Variants in ARHGEF10L observed in about 807,000 individuals in gnomAD.
The protein encoded by ARHGEF10L is Rho guanine nucleotide exchange factor 10 like.
A neutral mutation model predicts 141.2 loss-of-function variants in ARHGEF10L; 69 were observed. The observed-to-expected ratio is 0.49, with a 90% CI of 0.40 to 0.60. ARHGEF10L has a LOEUF of 0.60. ARHGEF10L is among the 20% of genes least tolerant of loss of function. ARHGEF10L has a pLI of 0.00. For synonymous variants in ARHGEF10L, 711 were observed against 718.5 expected (o/e 0.99, Z 0.17); for missense variants, 1,482 against 1,734.3 (o/e 0.85, Z 2.58).
At chr1:17,670,364 A>G (rs1181763646) in intron 26 of ARHGEF10L, among the ~76,000 whole-genome samples, 1 of 152,238 alleles carries the variant, frequency 6.6e-6, no homozygotes, top group East Asian at 1.9e-4. Flanking sequence ...CCTGTTAAAT[A>G]ATAATGTCGC....
At chr1:17,630,598 A>T (rs1001434752) in intron 15 of ARHGEF10L, among the ~76,000 whole-genome samples, 1 of 152,220 alleles carries the variant, frequency 6.6e-6, no homozygotes, top group Non-Finnish European at 1.5e-5. Context: ...TGCTCAATGC[A>T]GGGAATGGTG....
At chr1:17,648,530 C>T (rs1419499918) in intron 21 of ARHGEF10L, 24 bp from the exon 22 acceptor site, 1 of 1,612,868 alleles carries the variant, frequency 6.2e-7, no homozygotes, top group Admixed American at 1.7e-5. Flanking sequence ...ACCAGCTCTA[C>T]CCACCTCCTT....
intron 19 of ARHGEF10L, 112 bp downstream of exon 19, chr1:17,638,115 C>A: frequency 1.1e-6 from 1 of 951,694 alleles, no homozygotes; most frequent in Non-Finnish European, 1.5e-6. Flanking sequence ...CCCCGATGTG[C>A]TCCTAGCTTC....
At chr1:17,534,229 T>C in the ARHGEF10L span, among the ~76,000 whole-genome samples, 8 of 151,912 alleles carry the variant, frequency 5.3e-5, no homozygotes, top group African/African-American at 1.9e-4. Context: ...TTCACGCCAT[T>C]CTCCTGCCTC....
chr1:17,543,726 C>T (rs908510755), intron 1 of ARHGEF10L, among the ~76,000 whole-genome samples: 1 of 151,986 alleles, frequency 6.6e-6, no homozygotes, highest in Admixed American at 6.5e-5. Flanking sequence ...TAGCTCACTG[C>T]AACCACCGCC....
At chr1:17,684,010 C>T (rs2064359177) in intron 26 of ARHGEF10L, among the ~76,000 whole-genome samples, 1 of 152,178 alleles carries the variant, frequency 6.6e-6, no homozygotes, top group Non-Finnish European at 1.5e-5. Context: ...TCAGTGTGTG[C>T]ATGTTTGTGC....
chr1:17,581,497 G>C (rs1399859829), intron 2 of ARHGEF10L, among the ~76,000 whole-genome samples: 25 of 152,140 alleles, frequency 1.6e-4, no homozygotes. Flanking sequence ...GCCCAGGGCT[G>C]TTTCACCCAG....
At chr1:17,595,255 T>G (rs1423404477) in intron 4 of ARHGEF10L, among the ~76,000 whole-genome samples, 1 of 147,330 alleles carries the variant, frequency 6.8e-6, no homozygotes, top group African/African-American at 2.6e-5. Flanking sequence ...TAAAGCTAAT[T>G]ACATATCATG....
chr1:17,568,470 A>G (rs1347403236), intron 1 of ARHGEF10L, among the ~76,000 whole-genome samples: 1 of 152,184 alleles, frequency 6.6e-6, no homozygotes. Context: ...TGATGGTGAC[A>G]TGGCAAAAAG....
intron 26 of ARHGEF10L, among the ~76,000 whole-genome samples, chr1:17,676,676 C>A (rs1476048888): frequency 6.6e-6 from 1 of 151,996 alleles, no homozygotes; most frequent in Non-Finnish European, 1.5e-5. Context: ...TGCATCAGAA[C>A]TATCCAGGTT....
intron 12 of ARHGEF10L, 77 bp from the exon 13 acceptor site, chr1:17,624,310 C>A: frequency 1.7e-6 from 2 of 1,205,344 alleles, no homozygotes; most frequent in South Asian, 1.2e-5. Flanking sequence ...GGCGGCCTCC[C>A]TGGCCCACAC....
At chr1:17,527,814 C>T in the ARHGEF10L span, among the ~76,000 whole-genome samples, 27 of 151,602 alleles carry the variant, frequency 1.8e-4, no homozygotes, top group African/African-American at 4.1e-4. Flanking sequence ...GACTGGGAGG[C>T]GAGGGTTATT....
intron 1 of ARHGEF10L, 128 bp downstream of exon 1, chr1:17,540,078 CG>C: frequency 6.6e-6 from 1 of 152,610 alleles, no homozygotes. Context: ...CGTGGGCGGG[CG>C]GGGGCCGTGT....
At chr1:17,650,191 C>G (rs2101955128) in intron 22 of ARHGEF10L, among the ~76,000 whole-genome samples, 1 of 152,196 alleles carries the variant, frequency 6.6e-6, no homozygotes, top group East Asian at 1.9e-4. Flanking sequence ...GGGAGGGTCA[C>G]TTGAGTCCAG....
rs182470068 is a variant in ARHGEF10L, at chr1:17,644,444, G to A, written c.2273-4110G>A. ...CCTCTCCAGGAGTAGGGCCGAGGGCGTGGCCTTGGAGTCCGACCCTGGTTT... is the reference window on the plus strand; with the variant it reads ...CCTCTCCAGGAGTAGGGCCGAGGGCATGGCCTTGGAGTCCGACCCTGGTTT... On this transcript the variant is annotated intron_variant, in intron 21 of 28. Coordinates refer to ENST00000361221, the MANE Select transcript of ARHGEF10L (RefSeq NM_018125.4). This position sits in a 1 kb window ranked among gnomAD's most constrained non-coding sequence, Gnocchi z 4.5. Among the ~76,000 whole-genome samples, 3 of 152,338 alleles carry A rather than the reference G, an allele frequency of 2.0e-5. No individual in the cohort carries two copies. The highest frequency in any genetic ancestry group is 4.1e-4 in the South Asian group (2 of 4,826).
At chr1:17,596,321 C>T (rs996763633) in intron 4 of ARHGEF10L, among the ~76,000 whole-genome samples, 4 of 152,320 alleles carry the variant, frequency 2.6e-5, no homozygotes, top group South Asian at 4.1e-4. Flanking sequence ...CCCTTTCCTT[C>T]GTGTCTCTTG....
rs747444357 is a variant in ARHGEF10L, at chr1:17,697,228, G to A, written c.3688G>A (p.Ala1230Thr). Residue 1230 changes from alanine to threonine, a missense_variant, in exon 29 of 29, where the codon GCC (alanine) becomes ACC (threonine). By Grantham distance (58) the Ala-to-Thr change is moderately conservative (BLOSUM62 0). Coordinates refer to ENST00000361221, the MANE Select transcript of ARHGEF10L (RefSeq NM_018125.4). This position sits in a 1 kb window ranked among gnomAD's most constrained non-coding sequence, Gnocchi z 4.8. ...WVRSRPCARD[A>T]HRKEICSVAI... ...GCGCAGCCGGCCCTGCGCCCGCGAC[G>A]CCCACCGCAAGGAGATTTGCTCTGT... 70 of 1,612,124 alleles carry A rather than the reference G, an allele frequency of 4.3e-5. No homozygotes were observed. The Admixed American group carries it at 5.5e-4, about 13-fold the overall frequency.
At chr1:17,537,588 T>C (rs533212781), upstream of ARHGEF10L, among the ~76,000 whole-genome samples, 10 of 152,134 alleles carry the variant, frequency 6.6e-5, no homozygotes, top group African/African-American at 2.2e-4. Context: ...GAGGAGGCCA[T>C]GTGAAAAGGC....
At chr1:17,523,522 A>C in the ARHGEF10L span, among the ~76,000 whole-genome samples, 1 of 152,216 alleles carries the variant, frequency 6.6e-6, no homozygotes, top group South Asian at 2.1e-4. Flanking sequence ...GTCCAGAAAG[A>C]TGAAGTCACT....
Sources: allele counts gnomAD v4.1 joint callset (sites outside exome capture counted in the v4.1 genomes callset), GRCh38; gene constraint gnomAD v4.1.1; non-coding constraint Gnocchi (gnomAD v3.1); transcripts MANE v1.5; gene names NCBI Gene and HGNC (gene_info 2026-07-23, HGNC 2026-07-21).